The following COPS3 variants were observed in gnomAD, a reference collection of about 807,000 sequenced individuals.
COPS3 encodes the protein COP9 signalosome complex subunit 3.
COPS3 carries 10 observed loss-of-function variants against 58.2 expected under a neutral mutation model. The observed-to-expected ratio is 0.17, with a 90% CI of 0.11 to 0.29. The LOEUF (loss-of-function observed/expected upper bound fraction) is 0.29, where lower values mean the gene tolerates loss of function less well. COPS3 is among the 10% of genes least tolerant of loss of function. The probability of loss-of-function intolerance (pLI) is 1.00; values close to 1 mark genes in which losing one functional copy is unlikely to be tolerated. For synonymous variants in COPS3, 187 were observed against 181.7 expected, an observed-to-expected ratio of 1.03 and a Z score of -0.24; for missense variants, 333 against 510.1, an observed-to-expected ratio of 0.65 and a Z score of 3.34.
rs1263495952 is a variant in COPS3, at chr17:17,246,875, G to C, written c.*223C>G. ...AGATTTAATGCAGTAACAATAATCT[G>C]AGGATAAATAAATCCACGACAGACT... On this transcript the variant is annotated 3_prime_UTR_variant, in exon 12 of 12. Transcript: ENST00000268717. 3.6e-6 allele frequency: 2 copies of C among 558,274 alleles called. No homozygotes were observed. The highest frequency in any genetic ancestry group is 6.4e-6 in the Non-Finnish European group (2 of 311,306). The allele number at this position is 558,274 out of a possible 1,614,324, so 34.6% of individuals were successfully genotyped here.
chr17:17,257,389 CA>C (rs1435434497), intron 8 of COPS3, among the ~76,000 whole-genome samples: 1 of 149,308 alleles, frequency 6.7e-6, no homozygotes, highest in East Asian at 2.0e-4. Context: ...GAAAAAATAC[CA>C]AACAAACAAA....
At position 17,247,565 on chromosome 17, in the gene COPS3, A is replaced by G; in HGVS notation, c.1138-5T>C. The G allele has an allele frequency of 6.2e-7, 1 of 1,614,146 alleles. No individual in the cohort carries two copies. Among genetic ancestry groups the G allele is most frequent in the South Asian group, 1.1e-5 (1 of 91,088 alleles). On this transcript the variant is annotated splice_region_variant and splice_polypyrimidine_tract_variant and intron_variant, in intron 10 of 11. Coordinates refer to ENST00000268717, the MANE Select transcript of COPS3 (RefSeq NM_003653.4). Reference sequence around the variant, plus strand: ...CAGCTCAATGCACTTCAGCATCTGCATGACAGGCACATTAGAAGGTGGTCA... The same window carrying G: ...CAGCTCAATGCACTTCAGCATCTGCGTGACAGGCACATTAGAAGGTGGTCA...
At chr17:17,275,701 T>G (rs982570908) in intron 2 of COPS3, among the ~76,000 whole-genome samples, 3 of 152,104 alleles carry the variant, frequency 2.0e-5, no homozygotes, top group African/African-American at 4.8e-5. Flanking sequence ...CCCAGCATTT[T>G]GGGAGGCCAA....
chr17:17,270,848 A>C, intron 3 of COPS3, 41 bp from the exon 4 acceptor site: 1 of 1,604,988 alleles, frequency 6.2e-7, no homozygotes. Flanking sequence ...AAATATAACC[A>C]CAAGGGCAAA....
chr17:17,255,875 T>TAAATAAAG, intron 8 of COPS3, among the ~76,000 whole-genome samples: 1 of 149,006 alleles, frequency 6.7e-6, no homozygotes. Flanking sequence ...AATAAATAAA[T>TAAATAAAG]AAATAACTGA....
In COPS3 at chr17:17,267,889, C is replaced by A; in HGVS notation, c.437G>T (p.Cys146Phe). 6.2e-7 allele frequency: 1 copy of A among 1,613,404 alleles called. No homozygotes were observed. The highest frequency in any genetic ancestry group is 8.5e-7 in the Non-Finnish European group (1 of 1,179,586). Residue 146 changes from cysteine to phenylalanine, a missense_variant, in exon 5 of 12, where the codon TGC (cysteine) becomes TTC (phenylalanine). By Grantham distance (205) the Cys-to-Phe change is radical. Coordinates refer to ENST00000268717, the MANE Select transcript of COPS3 (RefSeq NM_003653.4). ...TCACACACTTTGGTTGCTTACCTGG[C>A]AGAGATCAGCATGTATTGAGGTCAG... The part of the protein sequence containing the change: ...NQLTSIHADL[C>F]QLCLLAKCFK...
At chr17:17,260,229 A>G (rs1449592109) in intron 8 of COPS3, 72 bp downstream of exon 8, 1 of 1,459,978 alleles carries the variant, frequency 6.8e-7, no homozygotes, top group Non-Finnish European at 9.5e-7. Flanking sequence ...CTCAGCTCTG[A>G]AAAGGGAGAG....
chr17:17,273,423 T>G (rs1033507027), intron 2 of COPS3, among the ~76,000 whole-genome samples: 1 of 152,172 alleles, frequency 6.6e-6, no homozygotes, highest in African/African-American at 2.4e-5. Flanking sequence ...TGGTAAGGAT[T>G]TCTACTGTCT....
At position 17,254,814 on chromosome 17, in the gene COPS3, G is replaced by GAAAAAAAAAAAAAAAA. The variant is rs71152853; in HGVS notation, c.1023+29_1023+44dup. The GAAAAAAAAAAAAAAAA allele has an allele frequency of 9.5e-5, 78 of 822,606 alleles. 1 individual carries two copies. The highest frequency in any genetic ancestry group is 2.8e-4 in the South Asian group (15 of 53,680). 51.0% of individuals were successfully genotyped at this position (822,606 alleles called of 1,614,324 possible). Reference sequence around the variant, plus strand: ...ACAGAGCGAGACTCCATCTCAAAAAGAAAAAAAAAAAAAAAAAAGAAAAAG... The same window carrying GAAAAAAAAAAAAAAAA: ...ACAGAGCGAGACTCCATCTCAAAAAGAAAAAAAAAAAAAAAAAAAAAAAAAAAAAAAAAAGAAAAAG... On this transcript the variant is annotated intron_variant, in intron 9 of 11. Coordinates refer to ENST00000268717, the MANE Select transcript of COPS3 (RefSeq NM_003653.4).
intron 5 of COPS3, among the ~76,000 whole-genome samples, chr17:17,265,899 G>A (rs1377191008): frequency 6.6e-6 from 1 of 152,164 alleles, no homozygotes; most frequent in East Asian, 1.9e-4. Flanking sequence ...ACAAGTAGAA[G>A]TGGTTCCTTT....
intron 2 of COPS3, among the ~76,000 whole-genome samples, chr17:17,274,514 T>C (rs1343310041): frequency 2.7e-5 from 4 of 150,656 alleles, no homozygotes; most frequent in Non-Finnish European, 4.4e-5. Context: ...AACCTCCGCC[T>C]CCCAGGTTCA....
chr17:17,258,083 T>C (rs932063094), intron 8 of COPS3, among the ~76,000 whole-genome samples: 3 of 152,166 alleles, frequency 2.0e-5, no homozygotes, highest in African/African-American at 7.2e-5. Context: ...GATGTAACCT[T>C]CTGACTAGCT....
intron 11 of COPS3, 138 bp downstream of exon 11, chr17:17,247,342 C>G: frequency 1.1e-6 from 1 of 943,676 alleles, no homozygotes; most frequent in Non-Finnish European, 1.7e-6. Flanking sequence ...ATGCTCTCAA[C>G]TAGTATTTCT....
At chr17:17,261,418 C>T (rs2048096837) in intron 7 of COPS3, among the ~76,000 whole-genome samples, 3 of 151,734 alleles carry the variant, frequency 2.0e-5, no homozygotes, top group East Asian at 1.9e-4. Context: ...CCCAGCTACT[C>T]GGGAGGCTAA....
chr17:17,247,366 G>C lies in COPS3; in HGVS notation c.1218+114C>G, dbSNP rs2047746355. On this transcript the variant is annotated intron_variant, in intron 11 of 11. Coordinates refer to ENST00000268717, the MANE Select transcript of COPS3 (RefSeq NM_003653.4). ...ACTAGTATTTCTCCATGACCGTACT[G>C]GTAAGGTTTTCAAGAAATATTTAAT... is the stretch of plus-strand genomic sequence containing the variant. The C allele has an allele frequency of 1.2e-5, 13 of 1,059,404 alleles. No homozygotes were observed. The East Asian group carries it at 3.1e-4, about 25-fold the overall frequency. 65.6% of individuals were successfully genotyped at this position (1,059,404 alleles called of 1,614,324 possible).
Position 17,250,241 on chromosome 17 carries a change from T to A in COPS3, c.1024-1202A>T, listed in dbSNP as rs535117638. On this transcript the variant is annotated intron_variant, in intron 9 of 11. Coordinates refer to ENST00000268717, the MANE Select transcript of COPS3 (RefSeq NM_003653.4). ...TTTCAACATCAGCTGCACTGAAATATAACTTACATCGCCTTTTTTTTTTTT... is the reference window on the plus strand; with the variant it reads ...TTTCAACATCAGCTGCACTGAAATAAAACTTACATCGCCTTTTTTTTTTTT... 3.3e-5 allele frequency among the ~76,000 whole-genome samples: 5 copies of A among 150,654 alleles called. No individual in the cohort carries two copies. In the East Asian group the frequency reaches 7.8e-4, roughly 23 times the overall value.
chr17:17,268,734 G>A (rs556958638), intron 4 of COPS3, among the ~76,000 whole-genome samples: 5 of 151,938 alleles, frequency 3.3e-5, no homozygotes, highest in South Asian at 2.1e-4. Context: ...CAGGAGAATC[G>A]CTTGAACCCG....
At chr17:17,273,365 C>T (rs966776303) in intron 2 of COPS3, among the ~76,000 whole-genome samples, 1 of 152,182 alleles carries the variant, frequency 6.6e-6, no homozygotes, top group African/African-American at 2.4e-5. Context: ...TGTCTTAGCA[C>T]AGGTTTGTAA....
intron 7 of COPS3, 74 bp from the exon 8 acceptor site, chr17:17,260,548 A>C: frequency 1.4e-6 from 2 of 1,440,500 alleles, no homozygotes; most frequent in East Asian, 2.3e-5. Flanking sequence ...TCACGCCTGT[A>C]ATCTCAACAC....
Sources: allele counts gnomAD v4.1 joint callset (sites outside exome capture counted in the v4.1 genomes callset), GRCh38; gene constraint gnomAD v4.1.1; transcripts MANE v1.5; gene names NCBI Gene and HGNC (gene_info 2026-07-23, HGNC 2026-07-21).